ATF6: variants seen among roughly 807,000 people sequenced by gnomAD.
ATF6 encodes the protein activating transcription factor 6.
A neutral mutation model predicts 83.6 loss-of-function variants in ATF6; 53 were observed. The ratio of observed to expected loss-of-function variants is 0.63; its 90% CI spans 0.51 to 0.80. The LOEUF is 0.80. ATF6 is among the 30% of genes least tolerant of loss of function. The pLI, the probability that ATF6 is intolerant of heterozygous loss-of-function variation, is 0.00. For synonymous variants in ATF6, 288 were observed against 285.8 expected, an observed-to-expected ratio of 1.01 and a Z score of -0.08; for missense variants, 744 against 797.9, an observed-to-expected ratio of 0.93 and a Z score of 0.81.
chr1:161,779,238 T>C (rs1318932410), intron 2 of ATF6, among the ~76,000 whole-genome samples: 2 of 152,238 alleles, frequency 1.3e-5, no homozygotes, highest in Non-Finnish European at 2.9e-5. Context: ...CAACTGATAC[T>C]CATATTTCAT....
At chr1:161,787,733 C>T (rs1449858573) in intron 4 of ATF6, among the ~76,000 whole-genome samples, 1 of 146,806 alleles carries the variant, frequency 6.8e-6, no homozygotes, top group Non-Finnish European at 1.5e-5. Flanking sequence ...TGAAATTACC[C>T]TTGTGTATTA....
At chr1:161,939,603 G>A (rs1374671320) in intron 15 of ATF6, among the ~76,000 whole-genome samples, 1 of 152,164 alleles carries the variant, frequency 6.6e-6, no homozygotes, top group Admixed American at 6.5e-5. Context: ...GGAGACCCAC[G>A]CTCTTTCTTT....
Position 161,853,247 on chromosome 1 carries a change from G to A in ATF6, c.1457G>A (p.Trp486Ter). 1.2e-6 allele frequency: 2 copies of A among 1,610,688 alleles called. No homozygotes were observed. The highest frequency in any genetic ancestry group is 1.7e-6 in the Non-Finnish European group (2 of 1,177,270). Reference protein sequence around the residue: ...SLRLNHELRGWVHRHEVERTK... With the variant: ...SLRLNHELRG ...AGGTTAAATCATGAACTTCGAGGATGGGTTCATAGACATGAAGTAGAAAGG... is the reference window on the plus strand; with the variant it reads ...AGGTTAAATCATGAACTTCGAGGATAGGTTCATAGACATGAAGTAGAAAGG... The change falls in exon 12 of 16, where the codon TGG (tryptophan) becomes TAG (stop). Residue 486 changes from tryptophan to a stop codon, truncating the protein, a stop_gained. Transcript: ENST00000367942. LOFTEE classifies it high-confidence loss of function.
At chr1:161,858,725 T>C (rs576352755) in intron 12 of ATF6, among the ~76,000 whole-genome samples, 1 of 152,340 alleles carries the variant, frequency 6.6e-6, no homozygotes, top group Admixed American at 6.5e-5. Flanking sequence ...TTGTCAATTA[T>C]GATCTTTTGC....
intron 14 of ATF6, among the ~76,000 whole-genome samples, chr1:161,883,702 A>G (rs1294993224): frequency 6.6e-6 from 1 of 152,052 alleles, no homozygotes; most frequent in African/African-American, 2.4e-5. Flanking sequence ...ACACACATAT[A>G]TAAAATCATA....
chr1:161,894,304 CTA>C (rs1687623050), intron 14 of ATF6, among the ~76,000 whole-genome samples: 1 of 145,112 alleles, frequency 6.9e-6, no homozygotes, highest in African/African-American at 2.5e-5. Context: ...AATTCTAAAA[CTA>C]AAACATGAAG....
chr1:161,843,135 A>G (rs539171128), intron 9 of ATF6, among the ~76,000 whole-genome samples: 2 of 152,276 alleles, frequency 1.3e-5, no homozygotes, highest in African/African-American at 4.8e-5. Context: ...TGTTCCGCAC[A>G]CTCATTCAGA....
At chr1:161,958,368 T>C in intron 15 of ATF6, 78 bp from the exon 16 acceptor site, 1 of 1,410,708 alleles carries the variant, frequency 7.1e-7, no homozygotes, top group South Asian at 1.3e-5. Context: ...CACATTTCTG[T>C]ATTTCTGGGG....
At position 161,960,053 on chromosome 1, in the gene ATF6, T is replaced by C. The variant is rs190378928; in HGVS notation, c.*1399T>C. 119 of 150,020 alleles carry C rather than the reference T, an allele frequency of 7.9e-4. No individual in the cohort carries two copies. Among genetic ancestry groups the C allele is most frequent in the African/African-American group, 2.9e-3 (118 of 40,484 alleles). 9.3% of individuals were successfully genotyped at this position (150,020 alleles called of 1,614,324 possible). ...ATTTTCAGTTTCTCCAACGAAAAGA[T>C]AGTGAAGGAATTAAATCTTTTGTCC... On this transcript the variant is annotated 3_prime_UTR_variant, in exon 16 of 16. Transcript: ENST00000367942.
intron 14 of ATF6, among the ~76,000 whole-genome samples, chr1:161,900,827 A>G (rs1473453027): frequency 1.3e-5 from 2 of 152,160 alleles, no homozygotes; most frequent in Non-Finnish European, 2.9e-5. Flanking sequence ...AAAGTTTTAC[A>G]TTTGAAATAG....
At chr1:161,798,524 A>T (rs1351664062) in intron 6 of ATF6, among the ~76,000 whole-genome samples, 4 of 152,200 alleles carry the variant, frequency 2.6e-5, no homozygotes, top group Non-Finnish European at 5.9e-5. Flanking sequence ...AGGCAGGAGA[A>T]TTGCTTGAAC....
intron 10 of ATF6, among the ~76,000 whole-genome samples, chr1:161,850,229 C>G (rs1026830235): frequency 6.6e-6 from 1 of 152,078 alleles, no homozygotes. Flanking sequence ...TTATTATGAC[C>G]TGGTCTTTTA....
intron 7 of ATF6, among the ~76,000 whole-genome samples, chr1:161,813,688 ACT>A (rs1283156807): frequency 6.6e-6 from 1 of 152,022 alleles, no homozygotes; most frequent in East Asian, 1.9e-4. Context: ...TTCTGGTCTA[ACT>A]CTCTCTTTTT....
intron 15 of ATF6, among the ~76,000 whole-genome samples, chr1:161,920,792 A>C (rs1688198282): frequency 6.6e-6 from 1 of 152,198 alleles, no homozygotes; most frequent in African/African-American, 2.4e-5. Flanking sequence ...AGGCAGAAAA[A>C]AGGAGGTGTC....
At chr1:161,852,515 G>A (rs1182417915) in intron 11 of ATF6, among the ~76,000 whole-genome samples, 1 of 151,944 alleles carries the variant, frequency 6.6e-6, no homozygotes, top group Non-Finnish European at 1.5e-5. Flanking sequence ...TGTTGTTAGG[G>A]GTCCTATGAC....
chr1:161,892,838 A>G (rs762524690), intron 14 of ATF6, among the ~76,000 whole-genome samples: 1 of 152,070 alleles, frequency 6.6e-6, no homozygotes, highest in South Asian at 2.1e-4. Context: ...GGGTTTCGCC[A>G]TGTTGGCCAG....
At chr1:161,785,255 T>C (rs535563596) in intron 4 of ATF6, among the ~76,000 whole-genome samples, 1 of 152,316 alleles carries the variant, frequency 6.6e-6, no homozygotes, top group East Asian at 1.9e-4. Context: ...CTGCCTAGAA[T>C]AGCCCCATTT....
chr1:161,840,857 A>T (rs914682532), intron 9 of ATF6, among the ~76,000 whole-genome samples: 2 of 152,164 alleles, frequency 1.3e-5, no homozygotes, highest in African/African-American at 4.8e-5. Context: ...CTGATCATAG[A>T]GACAGCTAGA....
At chr1:161,876,082 A>C (rs1687210983) in intron 14 of ATF6, among the ~76,000 whole-genome samples, 1 of 151,980 alleles carries the variant, frequency 6.6e-6, no homozygotes, top group Admixed American at 6.6e-5. Context: ...CAGTTGTTTC[A>C]AGATAAATGA....
Sources: gnomAD v4.1 joint callset for allele counts (sites outside exome capture counted in the v4.1 genomes callset) on GRCh38, gnomAD v4.1.1 for gene constraint, MANE v1.5 for transcripts, NCBI Gene and HGNC (gene_info 2026-07-23, HGNC 2026-07-21) for gene names.